The following NPAS3 variants were observed in gnomAD, a reference collection of about 807,000 sequenced individuals.
NPAS3 encodes the protein neuronal PAS domain protein 3.
In NPAS3, 14 loss-of-function variants were observed where a neutral mutation model predicts 73.1. The ratio of observed to expected loss-of-function variants is 0.19; its 90% CI spans 0.13 to 0.30. The LOEUF (loss-of-function observed/expected upper bound fraction) is 0.30, where lower values mean the gene tolerates loss of function less well. NPAS3 is among the 10% of genes least tolerant of loss of function. The probability of loss-of-function intolerance (pLI) is 1.00; values close to 1 mark genes in which losing one functional copy is unlikely to be tolerated. For synonymous variants in NPAS3, 620 were observed against 541.5 expected (o/e 1.14, Z -2.01); for missense variants, 1,096 against 1,250.0 (o/e 0.88, Z 1.86).
intron 1 of NPAS3, among the ~76,000 whole-genome samples, chr14:33,017,147 G>T (rs556892262): frequency 3.7e-4 from 57 of 152,186 alleles, no homozygotes; most frequent in African/African-American, 1.3e-3. Context: ...GAAAACTTTG[G>T]AAAATCCAGG....
intron 6 of NPAS3, among the ~76,000 whole-genome samples, chr14:33,732,872 C>T (rs2061433886): frequency 6.6e-6 from 1 of 152,206 alleles, no homozygotes; most frequent in East Asian, 1.9e-4. Flanking sequence ...TCACGTGAAG[C>T]TTGTGTCTTC....
chr14:33,638,057 C>T lies in NPAS3; in HGVS notation c.559-38154C>T, dbSNP rs79492608. On this transcript the variant is annotated intron_variant, in intron 5 of 11. Coordinates refer to ENST00000356141, the Ensembl canonical transcript of NPAS3. The stretch of plus-strand genomic sequence containing the variant: ...ATTTTATGAAAGGAAGTACCAGAAA[C>T]TGAGCAGACTTATTTTTGATAGCTG... 9.2e-3 allele frequency among the ~76,000 whole-genome samples: 1,396 copies of T among 152,254 alleles called. 41 individuals are homozygous for T. In the East Asian group the frequency reaches 0.12, roughly 13 times the overall value.
At chr14:33,260,274 A>G (rs1294132965) in intron 3 of NPAS3, among the ~76,000 whole-genome samples, 1 of 152,104 alleles carries the variant, frequency 6.6e-6, no homozygotes, top group African/African-American at 2.4e-5. Context: ...TTGTTGGTAT[A>G]TACTTAGATG....
At chr14:33,052,983 A>T (rs906728839) in intron 1 of NPAS3, among the ~76,000 whole-genome samples, 2 of 152,162 alleles carry the variant, frequency 1.3e-5, no homozygotes, top group Non-Finnish European at 2.9e-5. Context: ...GCAATTGTTT[A>T]AAAAAAATTC....
chr14:33,294,093 G>T (rs2042202083), intron 3 of NPAS3, among the ~76,000 whole-genome samples: 1 of 152,132 alleles, frequency 6.6e-6, no homozygotes, highest in Non-Finnish European at 1.5e-5. Flanking sequence ...AGGAGGGAAA[G>T]CTTGCTGCCT....
chr14:33,332,335 C>G (rs1280538205), intron 3 of NPAS3, among the ~76,000 whole-genome samples: 1 of 152,118 alleles, frequency 6.6e-6, no homozygotes, highest in Admixed American at 6.6e-5. Context: ...CTAAAAAATT[C>G]AGATTAAGGA....
At chr14:33,475,822 T>A (rs1468883678) in intron 4 of NPAS3, among the ~76,000 whole-genome samples, 1 of 152,104 alleles carries the variant, frequency 6.6e-6, no homozygotes, top group East Asian at 1.9e-4. Context: ...TTTCTCATTG[T>A]GTTACTTCAC....
At chr14:33,306,578 G>A (rs991412908) in intron 3 of NPAS3, among the ~76,000 whole-genome samples, 3 of 152,148 alleles carry the variant, frequency 2.0e-5, no homozygotes, top group Non-Finnish European at 4.4e-5. Context: ...CACCCAGCAT[G>A]TCCTGAAGAT....
intron 3 of NPAS3, among the ~76,000 whole-genome samples, chr14:33,224,426 C>T (rs2047546813): frequency 6.6e-6 from 1 of 152,108 alleles, no homozygotes; most frequent in South Asian, 2.1e-4. Context: ...CCTGTGAAAA[C>T]TAATGTGTCT....
chr14:33,556,390 C>A (rs754881829), intron 4 of NPAS3, among the ~76,000 whole-genome samples: 3 of 152,156 alleles, frequency 2.0e-5, no homozygotes, highest in Non-Finnish European at 4.4e-5. Flanking sequence ...GAATCTGAAT[C>A]TGTAAATAAT....
intron 2 of NPAS3, among the ~76,000 whole-genome samples, chr14:33,155,518 G>A (rs913007343): frequency 2.0e-5 from 3 of 152,142 alleles, no homozygotes; most frequent in Admixed American, 6.5e-5. Flanking sequence ...AGTTTCCTGA[G>A]TAGTCAAGGT....
chr14:33,452,466 A>G (rs1161849780), intron 4 of NPAS3, among the ~76,000 whole-genome samples: 5 of 152,162 alleles, frequency 3.3e-5, no homozygotes, highest in African/African-American at 1.2e-4. Flanking sequence ...GAAAGAGTAC[A>G]TAGAGACTGA....
intron 5 of NPAS3, among the ~76,000 whole-genome samples, chr14:33,619,635 C>T (rs1043608321): frequency 6.6e-5 from 10 of 152,154 alleles, no homozygotes; most frequent in African/African-American, 2.4e-4. Flanking sequence ...CACACACCAG[C>T]AGGGACATTA....
intron 1 of NPAS3, among the ~76,000 whole-genome samples, chr14:33,012,740 G>A (rs2383419): frequency 0.59 from 89,506 of 151,832 alleles, 27,767 homozygotes; most frequent in Non-Finnish European, 0.7. Flanking sequence ...AGTAGAGACG[G>A]AGTTTCACTG....
chr14:33,114,549 T>C (rs985262446), intron 2 of NPAS3, among the ~76,000 whole-genome samples: 1 of 152,144 alleles, frequency 6.6e-6, no homozygotes, highest in African/African-American at 2.4e-5. Flanking sequence ...GAAAGGGTAC[T>C]TCTTATAAGA....
upstream of NPAS3, among the ~76,000 whole-genome samples, chr14:32,938,086 C>T (rs6571574): frequency 0.61 from 92,397 of 151,856 alleles, 28,695 homozygotes; most frequent in African/African-American, 0.71. Context: ...AGTTTAAACG[C>T]GCGGGGATTC....
At position 33,800,545 on chromosome 14, in the gene NPAS3, G is replaced by C; in HGVS notation, c.2238G>C (p.Pro746=). ...CCCTGGCCCCCGTCGCCTCCGACCCGCTGTCACCCCCGCTCTCGGCGTCCC... is the reference window on the plus strand; with the variant it reads ...CCCTGGCCCCCGTCGCCTCCGACCCCCTGTCACCCCCGCTCTCGGCGTCCC... The change falls in exon 12 of 12, where the codon CCG becomes CCC. Residue 746 remains proline, a synonymous_variant. Coordinates refer to ENST00000356141, the Ensembl canonical transcript of NPAS3. The surrounding 1 kb of genome is among the most constrained non-coding windows in gnomAD (Gnocchi z 6.5). The C allele has an allele frequency of 7.4e-7, 1 of 1,353,346 alleles. No homozygotes were observed. The allele number at this position is 1,353,346 out of a possible 1,614,324, so 83.8% of individuals were successfully genotyped here. A position where few individuals can be genotyped will look rare whatever the true frequency, so the allele number is the denominator to read the frequency against.
rs1004452228 is a variant in NPAS3 at position 32,943,113 on chromosome 14, C to T, written c.50+3747C>T. Among the ~76,000 whole-genome samples, 9 of 152,060 alleles carry T rather than the reference C, an allele frequency of 5.9e-5. No individual in the cohort carries two copies. The East Asian group carries it at 1.3e-3, about 23-fold the overall frequency. On this transcript the variant is annotated intron_variant, in intron 1 of 11. Transcript: ENST00000356141. The stretch of plus-strand genomic sequence containing the variant: ...TACTCCACATGTGCAATATGCCAAT[C>T]ACTAGATTTGATTCCTTACAGTGAG...
At chr14:33,362,422 C>G (rs1278838665) in intron 3 of NPAS3, among the ~76,000 whole-genome samples, 1 of 152,210 alleles carries the variant, frequency 6.6e-6, no homozygotes, top group Non-Finnish European at 1.5e-5. Context: ...TCCCTGACTT[C>G]TTTGGCCCTA....
Sources: gnomAD v4.1 joint callset for allele counts (sites outside exome capture counted in the v4.1 genomes callset) on GRCh38, gnomAD v4.1.1 for gene constraint, Gnocchi (gnomAD v3.1) non-coding constraint, MANE v1.5 for transcripts, NCBI Gene and HGNC (gene_info 2026-07-23, HGNC 2026-07-21) for gene names.